Variants in DLGAP1 observed in about 807,000 individuals in gnomAD.
DLGAP1 encodes the protein disks large-associated protein 1.
DLGAP1 carries 11 observed loss-of-function variants against 90.8 expected under a neutral mutation model. The ratio of observed to expected loss-of-function variants is 0.12; its 90% CI spans 0.08 to 0.20. The LOEUF is 0.20. Ranked by LOEUF, DLGAP1 falls within the 10% of genes least tolerant of loss-of-function variation. DLGAP1 has a pLI of 1.00. For missense variants in DLGAP1, 1,050 were observed against 1,333.8 expected (o/e 0.79, Z 3.31); for synonymous variants, 558 against 540.7 (o/e 1.03, Z -0.44).
intron 4 of DLGAP1, among the ~76,000 whole-genome samples, chr18:3,842,537 T>C (rs2068775513): frequency 6.6e-6 from 1 of 151,438 alleles, no homozygotes; most frequent in Admixed American, 6.6e-5. Flanking sequence ...TTAACTGGGA[T>C]CGTGGCAAAA....
At chr18:4,020,911 A>C (rs188160497) in intron 2 of DLGAP1, among the ~76,000 whole-genome samples, 1 of 152,112 alleles carries the variant, frequency 6.6e-6, no homozygotes, top group Non-Finnish European at 1.5e-5. Flanking sequence ...ATTTTGCACA[A>C]CCTGTGTTCT....
At chr18:3,682,188 T>C (rs2060544992) in intron 7 of DLGAP1, among the ~76,000 whole-genome samples, 1 of 151,500 alleles carries the variant, frequency 6.6e-6, no homozygotes, top group African/African-American at 2.4e-5. Context: ...AATAAAAGTG[T>C]GTGGCACCTC....
At chr18:4,216,431 T>G (rs2077958232) in intron 1 of DLGAP1, among the ~76,000 whole-genome samples, 1 of 152,152 alleles carries the variant, frequency 6.6e-6, no homozygotes, top group African/African-American at 2.4e-5. Context: ...TTCTACCTGT[T>G]TATTTTCATT....
chr18:3,604,621 T>A (rs1437776249), intron 7 of DLGAP1, among the ~76,000 whole-genome samples: 1 of 152,144 alleles, frequency 6.6e-6, no homozygotes, highest in African/African-American at 2.4e-5. Flanking sequence ...CTCCTTTGGG[T>A]CCTTCTCTCC....
chr18:4,073,906 G>C (rs2075487362), intron 2 of DLGAP1, among the ~76,000 whole-genome samples: 1 of 151,890 alleles, frequency 6.6e-6, no homozygotes, highest in African/African-American at 2.4e-5. Context: ...TTTTAAAATA[G>C]ATAAAATGAA....
chr18:4,002,292 T>C (rs374266498), intron 3 of DLGAP1, among the ~76,000 whole-genome samples: 1 of 151,870 alleles, frequency 6.6e-6, no homozygotes. Flanking sequence ...CCTGCCTGTC[T>C]ATGTTAACAC....
intron 1 of DLGAP1, among the ~76,000 whole-genome samples, chr18:4,305,605 T>A (rs1413963639): frequency 1.3e-5 from 2 of 152,038 alleles, no homozygotes; most frequent in Admixed American, 1.3e-4. Context: ...ACACGACCTT[T>A]ACATGCATGC....
intron 4 of DLGAP1, among the ~76,000 whole-genome samples, chr18:3,873,143 A>C (rs2070855665): frequency 1.3e-5 from 2 of 152,254 alleles, no homozygotes; most frequent in Middle Eastern, 3.4e-3. Flanking sequence ...CTGCTTTCTC[A>C]CAATGTTTTG....
intron 6 of DLGAP1, 24 bp downstream of exon 6, chr18:3,742,311 C>T: frequency 1.9e-6 from 3 of 1,606,376 alleles, no homozygotes; most frequent in Non-Finnish European, 2.6e-6. Flanking sequence ...GGCTCCTGAC[C>T]ACCGCTGCCC....
intron 7 of DLGAP1, among the ~76,000 whole-genome samples, chr18:3,681,402 G>A (rs2060508774): frequency 6.6e-6 from 1 of 152,120 alleles, no homozygotes; most frequent in South Asian, 2.1e-4. Flanking sequence ...AAAAGTGTAA[G>A]GCATTTTAAA....
At chr18:3,676,273 T>C (rs1352198585) in intron 7 of DLGAP1, among the ~76,000 whole-genome samples, 1 of 152,228 alleles carries the variant, frequency 6.6e-6, no homozygotes, top group Non-Finnish European at 1.5e-5. Flanking sequence ...GCTATGTAAA[T>C]GTCACACTTA....
At chr18:4,140,386 A>C (rs1454791422) in intron 2 of DLGAP1, among the ~76,000 whole-genome samples, 1 of 151,970 alleles carries the variant, frequency 6.6e-6, no homozygotes, top group African/African-American at 2.4e-5. Context: ...GAATCTTACA[A>C]ATAAGCAAAG....
At chr18:4,248,046 A>G (rs1461206458) in intron 1 of DLGAP1, among the ~76,000 whole-genome samples, 1 of 152,086 alleles carries the variant, frequency 6.6e-6, no homozygotes, top group African/African-American at 2.4e-5. Context: ...GAGAGATGAA[A>G]AAAATATCGT....
chr18:3,984,541 C>T (rs755762813), intron 3 of DLGAP1, among the ~76,000 whole-genome samples: 3 of 152,184 alleles, frequency 2.0e-5, no homozygotes, highest in Non-Finnish European at 2.9e-5. Context: ...ATGTACTCCT[C>T]TCACATTCAC....
intron 2 of DLGAP1, among the ~76,000 whole-genome samples, chr18:4,100,486 C>T (rs1273703896): frequency 1.3e-5 from 2 of 152,216 alleles, no homozygotes; most frequent in African/African-American, 4.8e-5. Context: ...CAGATTTAGC[C>T]TACCTCTTAA....
chr18:3,959,381 T>C (rs1051539171), intron 3 of DLGAP1, among the ~76,000 whole-genome samples: 21 of 152,022 alleles, frequency 1.4e-4, no homozygotes, highest in African/African-American at 3.9e-4. Context: ...AGAAACACAA[T>C]TGGGGCCGGG....
At chr18:4,100,279 T>C (rs776973151) in intron 2 of DLGAP1, among the ~76,000 whole-genome samples, 5 of 152,194 alleles carry the variant, frequency 3.3e-5, no homozygotes, top group African/African-American at 7.2e-5. Flanking sequence ...GAAAACAATA[T>C]TGATCTCCCT....
chr18:3,696,388 TGA>T (rs2061092642), intron 7 of DLGAP1, among the ~76,000 whole-genome samples: 1 of 152,196 alleles, frequency 6.6e-6, no homozygotes, highest in African/African-American at 2.4e-5. Context: ...CATAGTTTAT[TGA>T]GAGTTTTTAG....
chr18:3,598,547 A>G (rs536273185), intron 7 of DLGAP1, among the ~76,000 whole-genome samples: 2 of 143,548 alleles, frequency 1.4e-5, no homozygotes, highest in Admixed American at 1.5e-4. Context: ...GGCTCACTGC[A>G]TCCTCTGCCT....
Sources: allele counts gnomAD v4.1 joint callset (sites outside exome capture counted in the v4.1 genomes callset), GRCh38; gene constraint gnomAD v4.1.1; transcripts MANE v1.5; gene names NCBI Gene and HGNC (gene_info 2026-07-23, HGNC 2026-07-21).